PDXDC1: variants seen among roughly 807,000 people sequenced by gnomAD.
PDXDC1 encodes the protein pyridoxal-dependent decarboxylase domain-containing protein 1.
PDXDC1 carries 42 observed loss-of-function variants against 100.1 expected under a neutral mutation model. The ratio of observed to expected loss-of-function variants is 0.42; its 90% CI spans 0.33 to 0.54. The LOEUF (loss-of-function observed/expected upper bound fraction) is 0.54. Among genes scored for constraint, PDXDC1 ranks in the 20% least tolerant of loss-of-function variants. The probability of loss-of-function intolerance (pLI) is 0.10; values close to 1 mark genes in which losing one functional copy is unlikely to be tolerated. For synonymous variants in PDXDC1, 260 were observed against 371.7 expected, an observed-to-expected ratio of 0.70 and a Z score of 3.46; for missense variants, 636 against 979.2, an observed-to-expected ratio of 0.65 and a Z score of 4.68.
chr16:15,065,254 G>A (rs764075428), intron 16 of PDXDC1: 5 of 1,613,746 alleles, frequency 3.1e-6, no homozygotes, highest in East Asian at 2.2e-5. Context: ...GGAAGAAGGT[G>A]TCCAGCGGGT....
downstream of PDXDC1, among the ~76,000 whole-genome samples, chr16:15,039,643 G>A (rs987987883): frequency 6.6e-6 from 1 of 152,140 alleles, no homozygotes; most frequent in Admixed American, 6.5e-5. Flanking sequence ...TCTCTCCTGC[G>A]TCCCAGTTCT....
intron 16 of PDXDC1, chr16:15,061,601 G>A (rs2044712099): frequency 3.1e-6 from 2 of 646,860 alleles, no homozygotes; most frequent in East Asian, 2.8e-5. Context: ...GCTTGATTCA[G>A]TCGAACCTGG....
intron 16 of PDXDC1, among the ~76,000 whole-genome samples, chr16:15,090,622 T>A (rs1334627455): frequency 6.6e-6 from 1 of 152,204 alleles, no homozygotes; most frequent in Non-Finnish European, 1.5e-5. Flanking sequence ...CCATATTTTT[T>A]AAATCTCTAT....
intron 16 of PDXDC1, among the ~76,000 whole-genome samples, chr16:15,095,130 G>A (rs1265055846): frequency 1.3e-5 from 2 of 151,938 alleles, no homozygotes; most frequent in South Asian, 2.1e-4. Flanking sequence ...GAGCCACCAC[G>A]CCCGGCCAAA....
intron 16 of PDXDC1, among the ~76,000 whole-genome samples, chr16:15,092,188 A>C (rs2046159726): frequency 6.6e-6 from 1 of 152,148 alleles, no homozygotes; most frequent in South Asian, 2.1e-4. Context: ...CAAATAAATA[A>C]ATAAATAAAA....
intron 16 of PDXDC1, among the ~76,000 whole-genome samples, chr16:15,069,275 C>T (rs1398806277): frequency 6.6e-6 from 1 of 152,078 alleles, no homozygotes; most frequent in African/African-American, 2.4e-5. Flanking sequence ...TGTTAAACAT[C>T]CTACAGTGCA....
At chr16:15,130,836 C>A in intron 16 of PDXDC1, 1 of 774,220 alleles carries the variant, frequency 1.3e-6, no homozygotes, top group Non-Finnish European at 2.2e-6. Flanking sequence ...GAAGCTCAAC[C>A]ACCCGGGGGA....
chr16:15,052,780 G>A (rs147012009), intron 16 of PDXDC1, among the ~76,000 whole-genome samples: 5,413 of 152,098 alleles, frequency 0.036, 151 homozygotes, highest in Non-Finnish European at 0.055. Flanking sequence ...AGCCAAGATC[G>A]TGCCATTGCA....
chr16:15,031,657 A>T, intron 16 of PDXDC1, 78 bp from the exon 17 acceptor site: 1 of 1,295,066 alleles, frequency 7.7e-7, no homozygotes, highest in Non-Finnish European at 1.1e-6. Context: ...TGACCTTCCC[A>T]GTAGTGGAAG....
At chr16:15,088,881 AG>A (rs2046008547) in intron 16 of PDXDC1, among the ~76,000 whole-genome samples, 1 of 152,056 alleles carries the variant, frequency 6.6e-6, no homozygotes, top group Admixed American at 6.6e-5. Context: ...GACTCAATGA[AG>A]GAACAACCAT....
At chr16:15,001,649 CT>C in intron 3 of PDXDC1, 126 bp from the exon 4 acceptor site, 1 of 671,024 alleles carries the variant, frequency 1.5e-6, no homozygotes, top group Non-Finnish European at 2.5e-6. Context: ...CACGTTCTTT[CT>C]CTTATAGTTG....
intron 8 of PDXDC1, among the ~76,000 whole-genome samples, chr16:15,014,693 GGTGA>G (rs1438669685): frequency 6.6e-6 from 1 of 152,288 alleles, no homozygotes; most frequent in Non-Finnish European, 1.5e-5. Context: ...TGAGGCCGTT[GGTGA>G]GTGTTTGAAA....
intron 16 of PDXDC1, chr16:15,093,907 GAC>G (rs1397556102): frequency 1.9e-6 from 1 of 536,684 alleles, no homozygotes; most frequent in Non-Finnish European, 3.2e-6. Context: ...ATCACGAAGA[GAC>G]ACAGTCGGGA....
intron 16 of PDXDC1, chr16:15,094,477 C>A (rs1285147186): frequency 5.3e-6 from 3 of 562,930 alleles, no homozygotes; most frequent in Non-Finnish European, 9.4e-6. Context: ...GGACCGGCTC[C>A]ATCCAGCCCT....
At chr16:15,022,379 G>A (rs1399214438) in intron 12 of PDXDC1, among the ~76,000 whole-genome samples, 4 of 152,266 alleles carry the variant, frequency 2.6e-5, no homozygotes, top group Non-Finnish European at 4.4e-5. Context: ...CTCATTTGTC[G>A]TTGGTCTCCC....
intron 16 of PDXDC1, among the ~76,000 whole-genome samples, chr16:15,058,671 T>C (rs1368233502): frequency 6.6e-6 from 1 of 151,882 alleles, no homozygotes; most frequent in Non-Finnish European, 1.5e-5. Context: ...AGGTTGCAGT[T>C]GTTGAGCTGT....
Position 15,038,306 on chromosome 16 carries a change from T to C in PDXDC1, c.*2031T>C, listed in dbSNP as rs2043630986. 8 of 882,168 alleles carry C rather than the reference T, an allele frequency of 9.1e-6. 1 individual carries two copies. The Admixed American group carries it at 1.7e-4, about 18-fold the overall frequency. 54.6% of individuals were successfully genotyped at this position (882,168 alleles called of 1,614,324 possible). Reference sequence around the variant, plus strand: ...GTATCTTTGTTCTTGGACACAAATATATATAATAAAATACGTTAAGAAATG... The same window carrying C: ...GTATCTTTGTTCTTGGACACAAATACATATAATAAAATACGTTAAGAAATG... On this transcript the variant is annotated 3_prime_UTR_variant, in exon 23 of 23. Transcript: ENST00000396410.
chr16:15,142,746 C>T (rs2048494507), downstream of PDXDC1, among the ~76,000 whole-genome samples: 1 of 152,006 alleles, frequency 6.6e-6, no homozygotes, highest in Non-Finnish European at 1.5e-5. Flanking sequence ...AGCCCCCCCA[C>T]CCCGCCCCTC....
chr16:15,014,099 TAGG>T, intron 8 of PDXDC1, among the ~76,000 whole-genome samples: 1 of 151,958 alleles, frequency 6.6e-6, no homozygotes, highest in African/African-American at 2.4e-5. Flanking sequence ...CCCAGCTACT[TAGG>T]AGGCCGAGGC....
Sources: allele counts gnomAD v4.1 joint callset (sites outside exome capture counted in the v4.1 genomes callset), GRCh38; gene constraint gnomAD v4.1.1; transcripts MANE v1.5; gene names NCBI Gene and HGNC (gene_info 2026-07-23, HGNC 2026-07-21).